EPC2: variants seen among roughly 807,000 people sequenced by gnomAD.
The protein encoded by EPC2 is enhancer of polycomb homolog 2.
In EPC2, 14 loss-of-function variants were observed where a neutral mutation model predicts 92.1. That is an observed-to-expected ratio of 0.15 (90% CI 0.10 to 0.24). The LOEUF is 0.24. EPC2 is among the 10% of genes least tolerant of loss of function. The pLI, the probability that EPC2 is intolerant of heterozygous loss-of-function variation, is 1.00. For missense variants in EPC2, 755 were observed against 971.5 expected (o/e 0.78, Z 2.96); for synonymous variants, 340 against 334.7 (o/e 1.02, Z -0.17).
chr2:148,678,901 C>T (rs552313135), intron 1 of EPC2, among the ~76,000 whole-genome samples: 1 of 152,356 alleles, frequency 6.6e-6, no homozygotes, highest in South Asian at 2.1e-4. Context: ...GCAGAGGAGG[C>T]GCCAAGAGCG....
At chr2:148,706,568 A>G (rs2105380877) in intron 2 of EPC2, among the ~76,000 whole-genome samples, 1 of 152,302 alleles carries the variant, frequency 6.6e-6, no homozygotes, top group African/African-American at 2.4e-5. Flanking sequence ...GGTTGAAATG[A>G]AGGAAAAAAT....
chr2:148,773,514 A>G (rs1683567869), intron 10 of EPC2, among the ~76,000 whole-genome samples: 1 of 152,136 alleles, frequency 6.6e-6, no homozygotes, highest in Non-Finnish European at 1.5e-5. Context: ...GTGTTTTGAA[A>G]TAAGATCTAT....
chr2:148,731,829 C>G (rs1361314480), intron 2 of EPC2, among the ~76,000 whole-genome samples: 1 of 152,214 alleles, frequency 6.6e-6, no homozygotes, highest in Non-Finnish European at 1.5e-5. Flanking sequence ...ATAAGTCTAA[C>G]AAAAATAATC....
chr2:148,672,287 T>C (rs533742810), intron 1 of EPC2, among the ~76,000 whole-genome samples: 1 of 152,286 alleles, frequency 6.6e-6, no homozygotes, highest in East Asian at 1.9e-4. Context: ...TTGGTTACCA[T>C]TTACATGGAA....
chr2:148,728,610 G>A (rs1390952593), intron 2 of EPC2, among the ~76,000 whole-genome samples: 1 of 151,954 alleles, frequency 6.6e-6, no homozygotes, highest in Non-Finnish European at 1.5e-5. Flanking sequence ...TATGTCTGTA[G>A]TCCCAGCTAT....
intron 2 of EPC2, among the ~76,000 whole-genome samples, chr2:148,695,487 C>A (rs1423911026): frequency 6.6e-6 from 1 of 152,210 alleles, no homozygotes; most frequent in Non-Finnish European, 1.5e-5. Context: ...GTTACACTTA[C>A]CAACATAAAG....
chr2:148,709,367 A>G (rs1296927660), intron 2 of EPC2, among the ~76,000 whole-genome samples: 2 of 152,244 alleles, frequency 1.3e-5, no homozygotes, highest in Non-Finnish European at 2.9e-5. Context: ...ATGGAAGAAC[A>G]TCCCATGCTC....
At chr2:148,773,729 T>C (rs979549371) in intron 10 of EPC2, among the ~76,000 whole-genome samples, 2 of 152,140 alleles carry the variant, frequency 1.3e-5, no homozygotes, top group African/African-American at 2.4e-5. Flanking sequence ...AAACCATAAT[T>C]TAATGATTTA....
At chr2:148,755,136 T>C (rs1683161706) in intron 4 of EPC2, among the ~76,000 whole-genome samples, 1 of 152,184 alleles carries the variant, frequency 6.6e-6, no homozygotes, top group South Asian at 2.1e-4. Context: ...AGAATTTCTA[T>C]AATTCTTGAG....
intron 1 of EPC2, among the ~76,000 whole-genome samples, chr2:148,651,608 T>G (rs1434011595): frequency 2.0e-5 from 3 of 152,078 alleles, no homozygotes; most frequent in Non-Finnish European, 2.9e-5. Flanking sequence ...TTCTGGAGTT[T>G]TTGTTTCTAG....
chr2:148,762,099 AG>A, intron 5 of EPC2, 169 bp downstream of exon 5: 3 of 521,276 alleles, frequency 5.8e-6, no homozygotes, highest in Non-Finnish European at 9.4e-6. Context: ...TTATAGATTA[AG>A]TTATCAATTT....
At position 148,649,472 on chromosome 2, in the gene EPC2, G is replaced by A. The variant is rs55670513; in HGVS notation, c.153+4302G>A. On this transcript the variant is annotated intron_variant, in intron 1 of 13. Transcript: ENST00000258484. ...TTTTATGTCTAGCTTCCTTTGTTCC[G>A]TACGATGCATTTAAGATTCATCCTT... 1.0e-2 allele frequency among the ~76,000 whole-genome samples: 1,521 copies of A among 152,182 alleles called. 25 individuals carry two copies. Among genetic ancestry groups the A allele is most frequent in the African/African-American group, 0.034 (1,426 of 41,514 alleles).
chr2:148,733,477 G>T, intron 2 of EPC2, among the ~76,000 whole-genome samples: 2 of 91,848 alleles, frequency 2.2e-5, no homozygotes, highest in East Asian at 3.3e-4. Context: ...TTCTCTCTCT[G>T]GATTTTTTTT....
intron 11 of EPC2, among the ~76,000 whole-genome samples, chr2:148,782,763 T>TC (rs60764526): frequency 1.2e-3 from 181 of 151,938 alleles, no homozygotes; most frequent in Non-Finnish European, 1.9e-3. Flanking sequence ...ATAATAAATT[T>TC]TTAAGCCACT....
At chr2:148,657,042 A>G (rs1441332316) in intron 1 of EPC2, among the ~76,000 whole-genome samples, 2 of 151,998 alleles carry the variant, frequency 1.3e-5, no homozygotes, top group African/African-American at 4.8e-5. Context: ...AGGGAAGTGT[A>G]TGACACCCAG....
chr2:148,715,524 A>T (rs901230837), intron 2 of EPC2, among the ~76,000 whole-genome samples: 1 of 152,152 alleles, frequency 6.6e-6, no homozygotes, highest in African/African-American at 2.4e-5. Context: ...GTTGGAGGTC[A>T]GGTGGTTGTA....
At chr2:148,726,167 G>T (rs924186663) in intron 2 of EPC2, among the ~76,000 whole-genome samples, 5 of 152,076 alleles carry the variant, frequency 3.3e-5, no homozygotes, top group Admixed American at 6.6e-5. Flanking sequence ...TTGTGTGTAT[G>T]TACCATACTG....
chr2:148,743,238 A>C (rs1394609732), intron 2 of EPC2, among the ~76,000 whole-genome samples: 1 of 152,014 alleles, frequency 6.6e-6, no homozygotes, highest in African/African-American at 2.4e-5. Context: ...TATCCTCAGT[A>C]ATTTGAAACA....
intron 1 of EPC2, among the ~76,000 whole-genome samples, chr2:148,678,312 C>T (rs917652001): frequency 6.6e-6 from 1 of 152,242 alleles, no homozygotes; most frequent in South Asian, 2.1e-4. Context: ...ACGTCCCCAC[C>T]AGACTCAGGA....
Sources: gnomAD v4.1 joint callset for allele counts (sites outside exome capture counted in the v4.1 genomes callset) on GRCh38, gnomAD v4.1.1 for gene constraint, MANE v1.5 for transcripts, NCBI Gene and HGNC (gene_info 2026-07-23, HGNC 2026-07-21) for gene names.